The following PKHD1 variants were observed in gnomAD, a reference collection of about 807,000 sequenced individuals.
PKHD1 encodes PKHD1 ciliary IPT domain containing fibrocystin/polyductin.
PKHD1 carries 291 observed loss-of-function variants against 412.0 expected under a neutral mutation model. The ratio of observed to expected loss-of-function variants is 0.71; its 90% CI spans 0.64 to 0.78. The LOEUF (loss-of-function observed/expected upper bound fraction) is 0.78. Among genes scored for constraint, PKHD1 ranks in the 30% least tolerant of loss-of-function variants. PKHD1 has a pLI of 0.00. For missense variants in PKHD1, 4,825 were observed against 4,950.7 expected, an observed-to-expected ratio of 0.97 and a Z score of 0.76; for synonymous variants, 1,777 against 1,821.5, an observed-to-expected ratio of 0.98 and a Z score of 0.62.
At position 51,678,423 on chromosome 6, in the gene PKHD1, T is replaced by C. The variant is rs569111485; in HGVS notation, c.10157-18454A>G. Reference sequence around the variant, plus strand: ...GCTACCTTCCAGTCTCCTTTTGCCTTTTATGGCTCTATCCTTATCTCAAAC... The same window carrying C: ...GCTACCTTCCAGTCTCCTTTTGCCTCTTATGGCTCTATCCTTATCTCAAAC... On this transcript the variant is annotated intron_variant, in intron 60 of 66. Transcript: ENST00000371117. 1.5e-4 allele frequency among the ~76,000 whole-genome samples: 23 copies of C among 152,288 alleles called. No homozygotes were observed. In the South Asian group the frequency reaches 4.6e-3, roughly 30 times the overall value.
intron 66 of PKHD1, among the ~76,000 whole-genome samples, chr6:51,625,780 C>T (rs768100378): frequency 2.0e-5 from 3 of 152,148 alleles, no homozygotes; most frequent in Non-Finnish European, 4.4e-5. Flanking sequence ...CAGCTGAATA[C>T]GAAGAGCTAT....
chr6:51,779,496 C>G (rs184185971), intron 53 of PKHD1, among the ~76,000 whole-genome samples: 130 of 152,238 alleles, frequency 8.5e-4, no homozygotes, highest in African/African-American at 3.0e-3. Flanking sequence ...TTGCCTCCTT[C>G]TCTCAGTGAG....
chr6:51,915,517 C>T (rs1783634645), intron 37 of PKHD1, among the ~76,000 whole-genome samples: 1 of 152,016 alleles, frequency 6.6e-6, no homozygotes, highest in African/African-American at 2.4e-5. Context: ...ATAAATACAT[C>T]CTGAATGCAT....
At chr6:51,641,478 A>G (rs968587805) in intron 63 of PKHD1, among the ~76,000 whole-genome samples, 2 of 152,250 alleles carry the variant, frequency 1.3e-5, no homozygotes, top group Admixed American at 1.3e-4. Context: ...TGTGGAAGAC[A>G]GTGTGGTGAT....
chr6:51,844,327 C>CA (rs1370377800), intron 50 of PKHD1, among the ~76,000 whole-genome samples: 2 of 152,122 alleles, frequency 1.3e-5, no homozygotes, highest in South Asian at 4.1e-4. Flanking sequence ...ATGAGCTTTC[C>CA]AAAAAAACTG....
chr6:51,746,941 C>A (rs749664241), intron 58 of PKHD1, 52 bp from the exon 59 acceptor site: 1 of 1,077,464 alleles, frequency 9.3e-7, no homozygotes, highest in Non-Finnish European at 1.4e-6. Flanking sequence ...AACCACCAGC[C>A]ACAAATATCG....
chr6:51,861,635 T>C (rs545009876), intron 48 of PKHD1, among the ~76,000 whole-genome samples: 4 of 152,338 alleles, frequency 2.6e-5, no homozygotes, highest in African/African-American at 7.2e-5. Flanking sequence ...AAATACACCA[T>C]GCTCATAACA....
At chr6:51,687,474 T>C (rs957352997) in intron 60 of PKHD1, among the ~76,000 whole-genome samples, 2 of 152,200 alleles carry the variant, frequency 1.3e-5, no homozygotes, top group Non-Finnish European at 2.9e-5. Flanking sequence ...CCTAAGCTCA[T>C]GGTGTTAAAT....
rs1277193806 is a variant in PKHD1 at position 51,631,927 on chromosome 6, C to CTTTT, written c.11665+634_11665+637dup. On this transcript the variant is annotated intron_variant, in intron 65 of 66. Coordinates refer to ENST00000371117, the MANE Select transcript of PKHD1 (RefSeq NM_138694.4). ...GGAGAGGATGACATTTCCCCGGATT[C>CTTTT]TTTTTTTTTTTCTTTTTTTTTTTTT... Among the ~76,000 whole-genome samples the CTTTT allele has an allele frequency of 4.1e-3, 569 of 137,600 alleles. 14 individuals are homozygous for CTTTT. The highest frequency in any genetic ancestry group is 0.015 in the African/African-American group (534 of 36,476). 90.3% of individuals were successfully genotyped at this position (137,600 alleles called of 152,430 possible). A position where few individuals can be genotyped will look rare whatever the true frequency, so the allele number is the denominator to read the frequency against.
Position 51,659,733 on chromosome 6 carries a change from T to G in PKHD1, c.10393A>C (p.Ile3465Leu), listed in dbSNP as rs745808365. 1 of 1,613,784 alleles carries G rather than the reference T, an allele frequency of 6.2e-7. No individual in the cohort carries two copies. ...SVSTFYSILPIRQITKVCFMD... is the reference protein window; with the variant it reads ...SVSTFYSILPLRQITKVCFMD... ...AAGCAGACTTTGGTGATTTGCCTGATGGGTAAGATAGAATAGAAAGTAGAC... is the reference window on the plus strand; with the variant it reads ...AAGCAGACTTTGGTGATTTGCCTGAGGGGTAAGATAGAATAGAAAGTAGAC... The change falls in exon 61 of 67, where the codon ATC becomes CTC. Residue 3465 changes from isoleucine to leucine, a missense_variant. By Grantham distance (5) the Ile-to-Leu change is conservative. Coordinates refer to ENST00000371117, the MANE Select transcript of PKHD1 (RefSeq NM_138694.4).
intron 55 of PKHD1, among the ~76,000 whole-genome samples, chr6:51,762,881 T>C (rs1788278447): frequency 6.6e-6 from 1 of 152,094 alleles, no homozygotes; most frequent in Non-Finnish European, 1.5e-5. Flanking sequence ...AGTTATGTAA[T>C]ATGCTATCAT....
intron 60 of PKHD1, among the ~76,000 whole-genome samples, chr6:51,692,640 T>C (rs1778313367): frequency 6.6e-6 from 1 of 152,188 alleles, no homozygotes; most frequent in South Asian, 2.1e-4. Flanking sequence ...TCCCATTTCT[T>C]AGATGTTCAA....
At chr6:51,673,248 TCA>T (rs1410778250) in intron 60 of PKHD1, among the ~76,000 whole-genome samples, 3 of 152,184 alleles carry the variant, frequency 2.0e-5, no homozygotes, top group Admixed American at 6.5e-5. Context: ...AATTTTTGCC[TCA>T]GTTTCCAACT....
At chr6:51,723,397 G>C (rs1782170449) in intron 60 of PKHD1, among the ~76,000 whole-genome samples, 1 of 152,156 alleles carries the variant, frequency 6.6e-6, no homozygotes, top group South Asian at 2.1e-4. Flanking sequence ...TCCCCAACAT[G>C]CGTGATCCTG....
intron 60 of PKHD1, chr6:51,721,761 C>G: frequency 7.1e-7 from 1 of 1,406,602 alleles, no homozygotes; most frequent in Non-Finnish European, 9.2e-7. Flanking sequence ...CAGGAGTAAG[C>G]AAACTCTATT....
intron 52 of PKHD1, among the ~76,000 whole-genome samples, chr6:51,802,236 AAAC>A (rs768336033): frequency 1.4e-4 from 20 of 147,252 alleles, no homozygotes; most frequent in Non-Finnish European, 2.1e-4. Context: ...CTCAAGGCAA[AAAC>A]AACAACAACA....
At chr6:51,770,498 A>G (rs1024708874) in intron 55 of PKHD1, among the ~76,000 whole-genome samples, 34 of 151,830 alleles carry the variant, frequency 2.2e-4, no homozygotes, top group Admixed American at 5.3e-4. Context: ...TTTGACTTTT[A>G]ACCCAATTTT....
chr6:51,955,718 C>T (rs1791019301), intron 36 of PKHD1, among the ~76,000 whole-genome samples: 1 of 151,966 alleles, frequency 6.6e-6, no homozygotes. Context: ...AATATATATA[C>T]TTCATGTAGA....
chr6:51,702,157 A>G (rs1027129615), intron 60 of PKHD1, among the ~76,000 whole-genome samples: 1 of 146,328 alleles, frequency 6.8e-6, no homozygotes, highest in South Asian at 2.1e-4. Context: ...ATTATATATT[A>G]TATATATTAT....
Sources: gnomAD v4.1 joint callset for allele counts (sites outside exome capture counted in the v4.1 genomes callset) on GRCh38, gnomAD v4.1.1 for gene constraint, MANE v1.5 for transcripts, NCBI Gene and HGNC (gene_info 2026-07-23, HGNC 2026-07-21) for gene names.